Variants in G6PC1 observed in about 807,000 individuals in gnomAD.
G6PC1 encodes the protein glucose-6-phosphatase catalytic subunit 1.
A neutral mutation model predicts 30.4 loss-of-function variants in G6PC1; 23 were observed. The observed-to-expected ratio is 0.76, with a 90% CI of 0.55 to 1.07. G6PC1 has a LOEUF of 1.07. Among genes scored for constraint, G6PC1 ranks in the 50% least tolerant of loss-of-function variants. The probability of loss-of-function intolerance (pLI) is 0.00; values close to 1 mark genes in which losing one functional copy is unlikely to be tolerated. For synonymous variants in G6PC1, 163 were observed against 175.6 expected, an observed-to-expected ratio of 0.93 and a Z score of 0.57; for missense variants, 391 against 433.9, an observed-to-expected ratio of 0.90 and a Z score of 0.88.
intron 3 of G6PC1, 101 bp downstream of exon 3, chr17:42,907,729 C>T: frequency 1.2e-6 from 1 of 814,792 alleles, no homozygotes; most frequent in Non-Finnish European, 2.1e-6. Flanking sequence ...CTAGCCCGCT[C>T]CCACACCTGG....
chr17:42,913,620 C>T lies in G6PC1; in HGVS notation c.*2194C>T, dbSNP rs563896823. ...AGAGTTGGCCAAGAATGAACATTGG[C>T]TACCAGACCACAAGTCAGCATGAGT... On this transcript the variant is annotated 3_prime_UTR_variant, in exon 5 of 5. Transcript: ENST00000253801. Among the ~76,000 whole-genome samples, 2 of 152,282 alleles carry T rather than the reference C, an allele frequency of 1.3e-5. No homozygotes were observed. Among genetic ancestry groups the T allele is most frequent in the East Asian group, 1.9e-4 (1 of 5,192 alleles).
intron 1 of G6PC1, among the ~76,000 whole-genome samples, chr17:42,902,126 G>T (rs2056029986): frequency 6.6e-6 from 1 of 152,200 alleles, no homozygotes; most frequent in South Asian, 2.1e-4. Context: ...ATGCTCTTAT[G>T]AACTATGTTA....
Position 42,907,514 on chromosome 17 carries a change from G to A in G6PC1, c.341-9G>A. On this transcript the variant is annotated splice_polypyrimidine_tract_variant and intron_variant, in intron 2 of 4. Coordinates refer to ENST00000253801, the MANE Select transcript of G6PC1 (RefSeq NM_000151.4). ...TCACCTTTACTCCATTCTCTTTCCTGCCCTTTAGGGAGCCCCTCTGGCCAT... is the reference window on the plus strand; with the variant it reads ...TCACCTTTACTCCATTCTCTTTCCTACCCTTTAGGGAGCCCCTCTGGCCAT... 1 of 1,598,842 alleles carries A rather than the reference G, an allele frequency of 6.3e-7. No individual in the cohort carries two copies. Among genetic ancestry groups the A allele is most frequent in the South Asian group, 1.1e-5 (1 of 90,578 alleles).
intron 4 of G6PC1, among the ~76,000 whole-genome samples, chr17:42,909,858 G>GT (rs1029948433): frequency 1.3e-3 from 187 of 148,364 alleles, no homozygotes; most frequent in African/African-American, 3.5e-3. Context: ...TTTTGAATAT[G>GT]TTTTTTTTTG....
At chr17:42,905,604 C>G (rs1207782280) in intron 2 of G6PC1, among the ~76,000 whole-genome samples, 1 of 151,504 alleles carries the variant, frequency 6.6e-6, no homozygotes, top group Non-Finnish European at 1.5e-5. Context: ...ATCATAACAG[C>G]TTGTTATCAA....
intron 2 of G6PC1, 80 bp downstream of exon 2, chr17:42,904,120 A>G (rs1034799618): frequency 2.2e-6 from 2 of 909,054 alleles, no homozygotes; most frequent in African/African-American, 1.6e-5. Flanking sequence ...TTGAGGGGAC[A>G]TGAGGAGAGC....
chr17:42,911,428 A>T lies in G6PC1; in HGVS notation c.*2A>T, dbSNP rs2151932454. On this transcript the variant is annotated 3_prime_UTR_variant, in exon 5 of 5. Transcript: ENST00000253801. ...CAGCCGCACAAGAAGTCGTTGTAAG[A>T]GATGTGGAGTCTTCGGTGTTTAAAG... is the stretch of plus-strand genomic sequence containing the variant. The T allele has an allele frequency of 6.2e-7, 1 of 1,614,166 alleles. No homozygotes were observed. The highest frequency in any genetic ancestry group is 8.5e-7 in the Non-Finnish European group (1 of 1,180,044).
At chr17:42,909,504 C>G (rs180807007) in intron 4 of G6PC1, 86 bp downstream of exon 4, 1 of 967,906 alleles carries the variant, frequency 1.0e-6, no homozygotes, top group South Asian at 1.3e-5. Flanking sequence ...AGCATTCCAG[C>G]CACATCCTGT....
chr17:42,902,549 G>A (rs137967168), intron 1 of G6PC1, among the ~76,000 whole-genome samples: 1 of 151,908 alleles, frequency 6.6e-6, no homozygotes, highest in African/African-American at 2.4e-5. Flanking sequence ...ACACCCAGCC[G>A]CATGATTCTA....
chr17:42,904,053 G>T lies in G6PC1; in HGVS notation c.340+13G>T. ...GAGACTGGACCAGGTAAGCGTCCCA[G>T]CCCCTGCAGACAGAAGCTGAGTGGA... On this transcript the variant is annotated intron_variant, in intron 2 of 4. Transcript: ENST00000253801. The T allele has an allele frequency of 1.9e-6, 3 of 1,568,670 alleles. No homozygotes were observed. The highest frequency in any genetic ancestry group is 1.3e-5 in the African/African-American group (1 of 74,152).
rs369744950 is a variant in G6PC1, at chr17:42,910,009, G to A, written c.562+591G>A. 7.8e-4 allele frequency among the ~76,000 whole-genome samples: 119 copies of A among 151,918 alleles called. No individual in the cohort carries two copies. In the South Asian group the frequency reaches 0.023, roughly 29 times the overall value. On this transcript the variant is annotated intron_variant, in intron 4 of 4. Transcript: ENST00000253801. ...TCTCCGAGTAGCTGGGACTACAGGC[G>A]CCCGCCACCATGCCCGGCTAATTTT... is the stretch of plus-strand genomic sequence containing the variant.
rs779538234 is a variant in G6PC1, at chr17:42,911,003, C to T, written c.651C>T (p.Phe217=). The change falls in exon 5 of 5, where the codon TTC becomes TTT. Residue 217 remains phenylalanine, a synonymous_variant. Transcript: ENST00000253801. The stretch of plus-strand genomic sequence containing the variant: ...ATTTTCTCATTACCTTCTTCCTGTT[C>T]AGCTTCGCCATCGGATTTTATCTGC... The part of the protein sequence containing the change: ...KKYFLITFFL[F]SFAIGFYLLL... 3 of 1,614,082 alleles carry T rather than the reference C, an allele frequency of 1.9e-6. No individual in the cohort carries two copies. The highest frequency in any genetic ancestry group is 2.7e-5 in the African/African-American group (2 of 74,938).
At chr17:42,905,519 A>G (rs926349244) in intron 2 of G6PC1, among the ~76,000 whole-genome samples, 106 of 149,858 alleles carry the variant, frequency 7.1e-4, no homozygotes, top group Admixed American at 1.5e-3. Context: ...AAAAAAAAAA[A>G]AAGAAGAAGA....
intron 1 of G6PC1, among the ~76,000 whole-genome samples, chr17:42,902,249 T>C (rs1230130658): frequency 6.6e-6 from 1 of 152,168 alleles, no homozygotes; most frequent in African/African-American, 2.4e-5. Flanking sequence ...TTTCTTTCTT[T>C]CTTTTGTTTG....
chr17:42,911,206 A>G lies in G6PC1; in HGVS notation c.854A>G (p.Lys285Arg). The change falls in exon 5 of 5, where the codon AAG becomes AGG. Residue 285 changes from lysine to arginine, a missense_variant. By Grantham distance (26) the Lys-to-Arg change is conservative (BLOSUM62 2). Transcript: ENST00000253801. ...LNSSMYRESCKGKLSKWLPFR... is the reference protein window; with the variant it reads ...LNSSMYRESCRGKLSKWLPFR... Reference sequence around the variant, plus strand: ...TCCAGCATGTACAGGGAGAGCTGCAAGGGGAAACTCAGCAAGTGGCTCCCA... The same window carrying G: ...TCCAGCATGTACAGGGAGAGCTGCAGGGGGAAACTCAGCAAGTGGCTCCCA... The G allele has an allele frequency of 6.2e-7, 1 of 1,614,156 alleles. No individual in the cohort carries two copies. Among genetic ancestry groups the G allele is most frequent in the Non-Finnish European group, 8.5e-7 (1 of 1,180,018 alleles).
chr17:42,914,182 G>A lies in G6PC1; in HGVS notation c.*2756G>A, dbSNP rs1392530066. ...ACTCCTGGGTTCAAGTGATCCTCCT[G>A]CCTCAGCCTCCCAAAGTGCTGGGAT... On this transcript the variant is annotated 3_prime_UTR_variant, in exon 5 of 5. Transcript: ENST00000253801. 3.3e-5 allele frequency among the ~76,000 whole-genome samples: 5 copies of A among 151,438 alleles called. No individual in the cohort carries two copies. Among genetic ancestry groups the A allele is most frequent in the Non-Finnish European group, 7.4e-5 (5 of 67,928 alleles).
intron 2 of G6PC1, among the ~76,000 whole-genome samples, chr17:42,907,124 A>G (rs887580188): frequency 1.3e-5 from 2 of 152,208 alleles, no homozygotes; most frequent in Non-Finnish European, 2.9e-5. Flanking sequence ...CAGTGTAGCC[A>G]GAACAGAGTG....
chr17:42,912,099 A>G lies in G6PC1; in HGVS notation c.*673A>G, dbSNP rs1017294910. ...GGCTGCCTAAGGAGGAGTTTTTAGT[A>G]TGTGGCGTATCATGCAAGTGCTATG... On this transcript the variant is annotated 3_prime_UTR_variant, in exon 5 of 5. Coordinates refer to ENST00000253801, the MANE Select transcript of G6PC1 (RefSeq NM_000151.4). The G allele has an allele frequency of 1.3e-5, 2 of 154,640 alleles. No homozygotes were observed. The highest frequency in any genetic ancestry group is 4.8e-5 in the African/African-American group (2 of 41,460). 9.6% of individuals were successfully genotyped at this position (154,640 alleles called of 1,614,324 possible).
chr17:42,909,282 T>C (rs751788357), intron 3 of G6PC1, 21 bp from the exon 4 acceptor site: 3 of 1,549,512 alleles, frequency 1.9e-6, no homozygotes, highest in South Asian at 2.2e-5. Context: ...TGTTCTGTTA[T>C]GGTTGCCTCT....
Sources: allele counts gnomAD v4.1 joint callset (sites outside exome capture counted in the v4.1 genomes callset), GRCh38; gene constraint gnomAD v4.1.1; transcripts MANE v1.5; gene names NCBI Gene and HGNC (gene_info 2026-07-23, HGNC 2026-07-21).